The following PTPRA variants were observed in gnomAD, a reference collection of about 807,000 sequenced individuals.
PTPRA encodes the protein protein tyrosine phosphatase receptor type A, also known as receptor-type tyrosine-protein phosphatase alpha.
PTPRA carries 25 observed loss-of-function variants against 104.8 expected under a neutral mutation model. The observed-to-expected ratio is 0.24, with a 90% CI of 0.17 to 0.33. The LOEUF (loss-of-function observed/expected upper bound fraction) is 0.33. Ranked by LOEUF, PTPRA falls within the 10% of genes least tolerant of loss-of-function variation. The pLI is 1.00. For synonymous variants in PTPRA, 323 were observed against 368.9 expected (o/e 0.88, Z 1.43); for missense variants, 765 against 1,015.3 (o/e 0.75, Z 3.35).
At chr20:2,932,452 G>A (rs991302743) in intron 2 of PTPRA, among the ~76,000 whole-genome samples, 1 of 152,170 alleles carries the variant, frequency 6.6e-6, no homozygotes, top group Non-Finnish European at 1.5e-5. Flanking sequence ...GTAAACAAAG[G>A]GGTATGAGGG....
intron 5 of PTPRA, among the ~76,000 whole-genome samples, chr20:2,973,524 GGCCTTC>G (rs552677989): frequency 4.3e-4 from 65 of 152,238 alleles, no homozygotes; most frequent in African/African-American, 1.4e-3. Context: ...AGGTAGACAG[GGCCTTC>G]GTCTCAGTAG....
At chr20:2,985,069 T>G (rs1444466078) in intron 6 of PTPRA, among the ~76,000 whole-genome samples, 1 of 152,236 alleles carries the variant, frequency 6.6e-6, no homozygotes, top group Non-Finnish European at 1.5e-5. Flanking sequence ...CCTTGAACAC[T>G]TCTCTGTTCC....
rs376015585 is a variant in PTPRA at position 3,017,812 on chromosome 20, T to C, written c.944-4T>C. 1.4e-5 allele frequency: 22 copies of C among 1,613,910 alleles called. No homozygotes were observed. In the African/African-American group the frequency reaches 2.9e-4, roughly 22 times the overall value. On this transcript the variant is annotated splice_polypyrimidine_tract_variant and splice_region_variant and intron_variant, in intron 12 of 23. Coordinates refer to ENST00000399903, the MANE Select transcript of PTPRA (RefSeq NM_001385305.1). ...CTCTTCATTTTTGCTGTTGGCTACT[T>C]TAGGACCAAAAGAAGAAACGGTGAA...
rs368347043 is a variant in PTPRA, at chr20:3,027,855, G to T, written c.1920+14G>T. On this transcript the variant is annotated intron_variant, in intron 20 of 23. Coordinates refer to ENST00000399903, the MANE Select transcript of PTPRA (RefSeq NM_001385305.1). ...GAGAGAGGCCAGGTGAGTTCAAAAG[G>T]TCCTGGGTGGTGAGAGACAGAGACA... The T allele has an allele frequency of 9.9e-6, 16 of 1,612,950 alleles. No individual in the cohort carries two copies. The African/African-American group carries it at 1.9e-4, about 19-fold the overall frequency.
intron 1 of PTPRA, among the ~76,000 whole-genome samples, chr20:2,910,374 T>TATATTATATAATATATAAAA (rs1435890413): frequency 5.8e-5 from 5 of 86,330 alleles, no homozygotes; most frequent in African/African-American, 2.4e-4. Flanking sequence ...ATAATATATT[T>TATATTATATAATATATAAAA]TGTATATTAT....
chr20:2,982,660 G>A (rs1041525745), intron 6 of PTPRA, among the ~76,000 whole-genome samples: 1 of 151,802 alleles, frequency 6.6e-6, no homozygotes, highest in Non-Finnish European at 1.5e-5. Context: ...AAATAATAAG[G>A]TCCTTGCCTT....
intron 5 of PTPRA, among the ~76,000 whole-genome samples, chr20:2,966,891 A>G (rs1244139374): frequency 6.6e-6 from 1 of 152,222 alleles, no homozygotes; most frequent in African/African-American, 2.4e-5. Flanking sequence ...TAGTAACAAC[A>G]TAAAATGTTG....
intron 6 of PTPRA, among the ~76,000 whole-genome samples, chr20:2,977,143 G>T (rs932924026): frequency 3.3e-5 from 5 of 152,128 alleles, no homozygotes; most frequent in Admixed American, 1.3e-4. Context: ...GGGCGTGGTG[G>T]TGTGCGCCTG....
intron 6 of PTPRA, among the ~76,000 whole-genome samples, chr20:2,985,501 G>A (rs1204976872): frequency 6.6e-6 from 1 of 152,204 alleles, no homozygotes; most frequent in Non-Finnish European, 1.5e-5. Flanking sequence ...AAGCCACTCT[G>A]ATGGTGTAGT....
chr20:2,935,068 A>G (rs1263890785), intron 2 of PTPRA, among the ~76,000 whole-genome samples: 1 of 152,204 alleles, frequency 6.6e-6, no homozygotes, highest in African/African-American at 2.4e-5. Flanking sequence ...TATTAACTGT[A>G]GTCACCATGA....
intron 1 of PTPRA, among the ~76,000 whole-genome samples, chr20:2,912,486 T>C (rs2059758525): frequency 6.6e-6 from 1 of 152,070 alleles, no homozygotes; most frequent in Non-Finnish European, 1.5e-5. Flanking sequence ...TAGCTGGGCA[T>C]GGTGGCTCAC....
In PTPRA at chr20:2,995,740, A is replaced by T. The variant is rs77441149; in HGVS notation, c.738+7266A>T. Among the ~76,000 whole-genome samples, 813 of 152,320 alleles carry T rather than the reference A, an allele frequency of 5.3e-3. 4 individuals carry two copies. The highest frequency in any genetic ancestry group is 0.014 in the Middle Eastern group (4 of 294). On this transcript the variant is annotated intron_variant, in intron 9 of 23. Coordinates refer to ENST00000399903, the MANE Select transcript of PTPRA (RefSeq NM_001385305.1). ...TCACTTAGCAAAATACATATATAGT[A>T]ATGTAAAGGCCCTGAGTCTTGGGTT...
intron 9 of PTPRA, among the ~76,000 whole-genome samples, chr20:2,991,716 A>G (rs1373492519): frequency 6.6e-6 from 1 of 152,220 alleles, no homozygotes; most frequent in Non-Finnish European, 1.5e-5. Context: ...TTGCTGTGCT[A>G]CCATGGCAAC....
At chr20:2,952,724 C>A (rs1330598956) in intron 3 of PTPRA, among the ~76,000 whole-genome samples, 3 of 152,186 alleles carry the variant, frequency 2.0e-5, no homozygotes, top group Admixed American at 2.0e-4. Flanking sequence ...ACTTCTCATT[C>A]CCCCTTACTC....
chr20:3,036,258 G>C (rs568513), intron 22 of PTPRA, among the ~76,000 whole-genome samples: 69,771 of 152,102 alleles, frequency 0.46, 17,655 homozygotes, highest in African/African-American at 0.65. Context: ...TGTCTCCCAG[G>C]TTTGAGCCTG....
intron 9 of PTPRA, among the ~76,000 whole-genome samples, chr20:3,000,550 C>G (rs1394537876): frequency 6.6e-6 from 1 of 152,074 alleles, no homozygotes; most frequent in Non-Finnish European, 1.5e-5. Context: ...TTAAAGATAC[C>G]TATACCTGAA....
intron 2 of PTPRA, among the ~76,000 whole-genome samples, chr20:2,932,427 C>T (rs2060539975): frequency 6.6e-6 from 1 of 152,078 alleles, no homozygotes; most frequent in African/African-American, 2.4e-5. Flanking sequence ...CTGTTTAGAA[C>T]ATCCGTGTCT....
At chr20:2,939,969 G>T (rs563487936) in intron 2 of PTPRA, among the ~76,000 whole-genome samples, 3 of 152,206 alleles carry the variant, frequency 2.0e-5, no homozygotes, top group African/African-American at 7.2e-5. Context: ...AATTAGCCGG[G>T]CATGGTGGGG....
At chr20:2,908,796 C>T (rs1325233127) in intron 1 of PTPRA, among the ~76,000 whole-genome samples, 3 of 151,896 alleles carry the variant, frequency 2.0e-5, no homozygotes, top group Non-Finnish European at 4.4e-5. Flanking sequence ...GTTTTTGTTT[C>T]GACATGATGG....
Sources: allele counts gnomAD v4.1 joint callset (sites outside exome capture counted in the v4.1 genomes callset), GRCh38; gene constraint gnomAD v4.1.1; transcripts MANE v1.5; gene names NCBI Gene and HGNC (gene_info 2026-07-23, HGNC 2026-07-21).